The following LCLAT1 variants were observed in gnomAD, a reference collection of about 807,000 sequenced individuals.
LCLAT1 encodes 1-AGP acyltransferase 8.
LCLAT1 carries 11 observed loss-of-function variants against 30.7 expected under a neutral mutation model. The observed-to-expected ratio is 0.36, with a 90% CI of 0.23 to 0.59. LCLAT1 has a LOEUF of 0.59. Ranked by LOEUF, LCLAT1 falls within the 20% of genes least tolerant of loss-of-function variation. The pLI is 0.77. For missense variants in LCLAT1, 402 were observed against 458.6 expected, an observed-to-expected ratio of 0.88 and a Z score of 1.13; for synonymous variants, 155 against 151.3, an observed-to-expected ratio of 1.02 and a Z score of -0.18.
chr2:30,552,659 G>T (rs1479963364), intron 3 of LCLAT1: 6 of 299,980 alleles, frequency 2.0e-5, no homozygotes, highest in Non-Finnish European at 3.5e-5. Flanking sequence ...TGTGAGTTCA[G>T]AAAAGATAGA....
At chr2:30,630,701 C>G (rs1294414951) in intron 5 of LCLAT1, among the ~76,000 whole-genome samples, 1 of 152,156 alleles carries the variant, frequency 6.6e-6, no homozygotes, top group African/African-American at 2.4e-5. Flanking sequence ...TTTATGAACC[C>G]TGACTCTTCA....
intron 5 of LCLAT1, among the ~76,000 whole-genome samples, chr2:30,614,304 TG>T (rs1363274866): frequency 7.3e-6 from 1 of 137,848 alleles, no homozygotes; most frequent in Non-Finnish European, 1.6e-5. Flanking sequence ...AGCACGGGGT[TG>T]GGGGTAAGGT....
At chr2:30,501,804 T>C (rs1684407205) in intron 1 of LCLAT1, among the ~76,000 whole-genome samples, 1 of 152,250 alleles carries the variant, frequency 6.6e-6, no homozygotes, top group African/African-American at 2.4e-5. Context: ...TGAATCTCAA[T>C]AATTCTATAT....
At position 30,558,291 on chromosome 2, in the gene LCLAT1, A is replaced by G. The variant is rs188248327; in HGVS notation, c.365-3855A>G. Among the ~76,000 whole-genome samples, 208 of 152,270 alleles carry G rather than the reference A, an allele frequency of 1.4e-3. 2 individuals carry two copies. The highest frequency in any genetic ancestry group is 4.1e-4 in the Non-Finnish European group (28 of 68,000). On this transcript the variant is annotated intron_variant, in intron 3 of 5. Transcript: ENST00000379509. ...TTACAATGAAGAAATCTGAACGACT[A>G]ATTTGAATATGAAAAGGTGCTCATT...
chr2:30,538,045 T>A (rs1663885966), intron 3 of LCLAT1, among the ~76,000 whole-genome samples: 1 of 151,446 alleles, frequency 6.6e-6, no homozygotes, highest in African/African-American at 2.4e-5. Context: ...AATAGAAACA[T>A]AACACACCGA....
chr2:30,592,900 A>G (rs1666760261), intron 5 of LCLAT1, among the ~76,000 whole-genome samples: 2 of 152,206 alleles, frequency 1.3e-5, no homozygotes, highest in South Asian at 2.1e-4. Flanking sequence ...TGTCACCTCA[A>G]ACATTTATCT....
At chr2:30,472,260 T>A (rs1205654100) in intron 1 of LCLAT1, among the ~76,000 whole-genome samples, 1 of 152,214 alleles carries the variant, frequency 6.6e-6, no homozygotes, top group African/African-American at 2.4e-5. Context: ...CAGAACTCAC[T>A]GAATAGAAGA....
intron 5 of LCLAT1, among the ~76,000 whole-genome samples, chr2:30,625,160 A>G (rs941422677): frequency 2.6e-5 from 4 of 152,220 alleles, no homozygotes; most frequent in African/African-American, 9.6e-5. Context: ...GAGCACAGAC[A>G]ATCTAAGGTC....
Position 30,642,255 on chromosome 2 carries a change from C to G in LCLAT1, c.*1636C>G, listed in dbSNP as rs970188169. On this transcript the variant is annotated 3_prime_UTR_variant, in exon 6 of 6. Transcript: ENST00000379509. ...GGAAGAGTATTAACTGGTGCCTCTT[C>G]TGAAACACACCAACCCATATTCCTC... is the stretch of plus-strand genomic sequence containing the variant. 1 of 152,168 alleles carries G rather than the reference C, an allele frequency of 6.6e-6. No homozygotes were observed. Among genetic ancestry groups the G allele is most frequent in the Non-Finnish European group, 1.5e-5 (1 of 68,012 alleles). The allele number at this position is 152,168 out of a possible 1,614,324, so 9.4% of individuals were successfully genotyped here.
At position 30,518,014 on chromosome 2, in the gene LCLAT1, A is replaced by T. The variant is rs530083677; in HGVS notation, c.-4-7573A>T. Among the ~76,000 whole-genome samples, 12 of 152,336 alleles carry T rather than the reference A, an allele frequency of 7.9e-5. No homozygotes were observed. In the South Asian group the frequency reaches 2.5e-3, roughly 32 times the overall value. ...CCCACAGATGGCTCAAATGCATTCA[A>T]TCTGTAGCAGCAACTGCTTTGCTAG... On this transcript the variant is annotated intron_variant, in intron 1 of 5. Coordinates refer to ENST00000379509, the MANE Select transcript of LCLAT1 (RefSeq NM_001002257.3).
chr2:30,619,454 C>G (rs1449796982), intron 5 of LCLAT1, among the ~76,000 whole-genome samples: 1 of 152,188 alleles, frequency 6.6e-6, no homozygotes, highest in East Asian at 1.9e-4. Context: ...CCTTCACTTT[C>G]CATCTTATCC....
intron 5 of LCLAT1, among the ~76,000 whole-genome samples, chr2:30,628,888 T>G (rs968996508): frequency 6.6e-6 from 1 of 152,218 alleles, no homozygotes; most frequent in African/African-American, 2.4e-5. Flanking sequence ...AACAGAAATT[T>G]TCTTGACTAG....
At chr2:30,544,257 G>A (rs1468655152) in intron 3 of LCLAT1, among the ~76,000 whole-genome samples, 2 of 152,066 alleles carry the variant, frequency 1.3e-5, no homozygotes, top group East Asian at 3.8e-4. Flanking sequence ...TCCAAATTTT[G>A]TCATTGTTTT....
intron 1 of LCLAT1, among the ~76,000 whole-genome samples, chr2:30,463,637 T>A (rs1259110409): frequency 6.6e-6 from 1 of 152,214 alleles, no homozygotes; most frequent in African/African-American, 2.4e-5. Context: ...TATATAGCAT[T>A]TACATTGTAT....
At chr2:30,552,454 C>T (rs752603862) in intron 3 of LCLAT1, 2 of 408,456 alleles carry the variant, frequency 4.9e-6, no homozygotes, top group Admixed American at 2.7e-5. Flanking sequence ...TTATTACTTG[C>T]TCATATTTTA....
At chr2:30,566,549 G>A (rs1019691257) in intron 4 of LCLAT1, among the ~76,000 whole-genome samples, 2 of 152,120 alleles carry the variant, frequency 1.3e-5, no homozygotes, top group African/African-American at 4.8e-5. Flanking sequence ...CAGTGTTGTG[G>A]AAGTCGTCTA....
In LCLAT1 at chr2:30,481,067, G is replaced by A. The variant is rs569612981; in HGVS notation, c.-5+33684G>A. On this transcript the variant is annotated intron_variant, in intron 1 of 5. Transcript: ENST00000379509. ...CACCTAAAACCTAAAGGAAGAAACA[G>A]AGGTAGTGAAACAAAGTCTGAGAAG... Among the ~76,000 whole-genome samples the A allele has an allele frequency of 2.6e-5, 4 of 152,302 alleles. No individual in the cohort carries two copies. In the South Asian group the frequency reaches 8.3e-4, roughly 32 times the overall value.
chr2:30,557,344 G>A (rs1664973052), intron 3 of LCLAT1, among the ~76,000 whole-genome samples: 1 of 147,690 alleles, frequency 6.8e-6, no homozygotes, highest in African/African-American at 2.6e-5. Context: ...AGTCTTAACT[G>A]GAACTAACAT....
At chr2:30,568,577 G>A (rs1291656368) in intron 5 of LCLAT1, among the ~76,000 whole-genome samples, 10 of 144,042 alleles carry the variant, frequency 6.9e-5, no homozygotes, top group East Asian at 6.1e-4. Context: ...GTGCTATCTC[G>A]GCTCACTGCA....
Sources: gnomAD v4.1 joint callset for allele counts (sites outside exome capture counted in the v4.1 genomes callset) on GRCh38, gnomAD v4.1.1 for gene constraint, MANE v1.5 for transcripts, NCBI Gene and HGNC (gene_info 2026-07-23, HGNC 2026-07-21) for gene names.